CLSTN2: variants seen among roughly 807,000 people sequenced by gnomAD.
CLSTN2 encodes the protein calsyntenin 2, also known as calsyntenin-2.
CLSTN2 carries 48 observed loss-of-function variants against 101.2 expected under a neutral mutation model. The ratio of observed to expected loss-of-function variants is 0.47; its 90% CI spans 0.38 to 0.60. The LOEUF (loss-of-function observed/expected upper bound fraction) is 0.60. CLSTN2 is among the 20% of genes least tolerant of loss of function. The pLI is 0.00. For missense variants in CLSTN2, 1,160 were observed against 1,238.2 expected (o/e 0.94, Z 0.95); for synonymous variants, 481 against 463.6 (o/e 1.04, Z -0.48).
chr3:140,569,745 C>T lies in CLSTN2; in HGVS notation c.*3492C>T, dbSNP rs971801130. On this transcript the variant is annotated 3_prime_UTR_variant, in exon 17 of 17. Transcript: ENST00000458420. Reference sequence around the variant, plus strand: ...CCAGGCTGGAGTGCAGTGGCACAATCTCAGCTCACTGCAACCTCCACCTCC... The same window carrying T: ...CCAGGCTGGAGTGCAGTGGCACAATTTCAGCTCACTGCAACCTCCACCTCC... The T allele has an allele frequency of 1.2e-4, 18 of 152,310 alleles. No homozygotes were observed. Among genetic ancestry groups the T allele is most frequent in the African/African-American group, 4.1e-4 (17 of 41,552 alleles). 9.4% of individuals were successfully genotyped at this position (152,310 alleles called of 1,614,324 possible). A position where few individuals can be genotyped will look rare whatever the true frequency, so the allele number is the denominator to read the frequency against.
At chr3:140,262,599 T>C (rs1211020639) in intron 2 of CLSTN2, among the ~76,000 whole-genome samples, 6 of 152,088 alleles carry the variant, frequency 3.9e-5, no homozygotes, top group African/African-American at 1.4e-4. Context: ...TTAGTGGTAA[T>C]TGTTTTAGTA....
At chr3:140,259,172 A>AG (rs1480562851) in intron 2 of CLSTN2, among the ~76,000 whole-genome samples, 1 of 150,704 alleles carries the variant, frequency 6.6e-6, no homozygotes, top group African/African-American at 2.4e-5. Flanking sequence ...AATTGATTGA[A>AG]AAAAAAAAGC....
At chr3:140,350,742 C>A (rs1031408206) in intron 2 of CLSTN2, among the ~76,000 whole-genome samples, 6 of 152,144 alleles carry the variant, frequency 3.9e-5, no homozygotes, top group African/African-American at 1.2e-4. Context: ...TTTAAGTAAA[C>A]AATGATTTTC....
chr3:140,223,164 C>CT (rs2086289659), intron 2 of CLSTN2, among the ~76,000 whole-genome samples: 1 of 152,184 alleles, frequency 6.6e-6, no homozygotes, highest in Non-Finnish European at 1.5e-5. Flanking sequence ...TCACTTGGGC[C>CT]AGAAGCAACA....
At chr3:140,434,068 G>A (rs2088664046) in intron 5 of CLSTN2, among the ~76,000 whole-genome samples, 1 of 152,118 alleles carries the variant, frequency 6.6e-6, no homozygotes, top group Admixed American at 6.5e-5. Flanking sequence ...TACCTATGCT[G>A]CCATCTGCCC....
intron 2 of CLSTN2, among the ~76,000 whole-genome samples, chr3:140,204,318 C>CGGCT (rs1253116121): frequency 6.6e-6 from 1 of 152,172 alleles, no homozygotes; most frequent in Non-Finnish European, 1.5e-5. Context: ...CCAGACCTCA[C>CGGCT]GGCTTATCAT....
chr3:140,186,471 C>T (rs2010487146), intron 2 of CLSTN2, among the ~76,000 whole-genome samples: 1 of 152,172 alleles, frequency 6.6e-6, no homozygotes, highest in Admixed American at 6.5e-5. Context: ...AACAAGAGTG[C>T]AACCAGATAT....
chr3:140,087,523 A>C (rs2008700760), intron 1 of CLSTN2, among the ~76,000 whole-genome samples: 1 of 152,130 alleles, frequency 6.6e-6, no homozygotes, highest in African/African-American at 2.4e-5. Context: ...TCTGCTATTC[A>C]TCTGTCCACT....
At chr3:139,967,413 T>C (rs1217470402) in intron 1 of CLSTN2, among the ~76,000 whole-genome samples, 1 of 152,206 alleles carries the variant, frequency 6.6e-6, no homozygotes, top group Non-Finnish European at 1.5e-5. Flanking sequence ...AGCTGCCAAC[T>C]AGTGGGCACT....
At chr3:140,448,421 C>A (rs1160654146) in intron 5 of CLSTN2, 98 bp from the exon 6 acceptor site, 2 of 1,014,384 alleles carry the variant, frequency 2.0e-6, no homozygotes, top group East Asian at 2.4e-5. Flanking sequence ...TGTGTTGGGG[C>A]AAATAATTCG....
chr3:139,997,392 A>C (rs1307736757), intron 1 of CLSTN2, among the ~76,000 whole-genome samples: 1 of 152,354 alleles, frequency 6.6e-6, no homozygotes, highest in Middle Eastern at 3.4e-3. Context: ...AAAATATGAG[A>C]TAAAGATGCA....
intron 2 of CLSTN2, among the ~76,000 whole-genome samples, chr3:140,382,041 C>T (rs999686228): frequency 4.6e-5 from 7 of 152,152 alleles, no homozygotes; most frequent in Non-Finnish European, 8.8e-5. Context: ...AAGGCCTTTG[C>T]GCTTGCTGTT....
intron 2 of CLSTN2, among the ~76,000 whole-genome samples, chr3:140,219,387 CA>C (rs1316535193): frequency 6.6e-6 from 1 of 152,072 alleles, no homozygotes; most frequent in African/African-American, 2.4e-5. Context: ...AATTAAAGCC[CA>C]GGGCTTTAAA....
chr3:140,503,054 A>G (rs999908273), intron 8 of CLSTN2, among the ~76,000 whole-genome samples: 4 of 152,102 alleles, frequency 2.6e-5, no homozygotes, highest in African/African-American at 7.2e-5. Flanking sequence ...AGCCCCTTTC[A>G]TCTTTAAGGT....
chr3:140,197,613 T>A (rs2010662840), intron 2 of CLSTN2, among the ~76,000 whole-genome samples: 1 of 152,196 alleles, frequency 6.6e-6, no homozygotes, highest in South Asian at 2.1e-4. Flanking sequence ...CCCCTCTTAC[T>A]CTTCAGAAGC....
chr3:140,054,943 C>T (rs1005727374), intron 1 of CLSTN2, among the ~76,000 whole-genome samples: 5 of 152,168 alleles, frequency 3.3e-5, no homozygotes, highest in African/African-American at 4.8e-5. Flanking sequence ...GATTTCCACC[C>T]AACTTCTCAG....
chr3:140,480,500 T>C (rs190267499), intron 8 of CLSTN2, among the ~76,000 whole-genome samples: 85 of 152,358 alleles, frequency 5.6e-4, no homozygotes, highest in African/African-American at 1.9e-3. Flanking sequence ...TTTCTAGTTC[T>C]AGATCCCTGA....
intron 11 of CLSTN2, among the ~76,000 whole-genome samples, chr3:140,557,757 C>T (rs1935827650): frequency 6.6e-6 from 1 of 152,144 alleles, no homozygotes; most frequent in South Asian, 2.1e-4. Flanking sequence ...CCTAGCACTC[C>T]CAGAGCATCT....
At chr3:140,203,659 G>A (rs2010747071) in intron 2 of CLSTN2, among the ~76,000 whole-genome samples, 1 of 151,976 alleles carries the variant, frequency 6.6e-6, no homozygotes, top group South Asian at 2.1e-4. Flanking sequence ...CATTTTGAAA[G>A]GCCTCCTGGT....
Sources: gnomAD v4.1 joint callset for allele counts (sites outside exome capture counted in the v4.1 genomes callset) on GRCh38, gnomAD v4.1.1 for gene constraint, MANE v1.5 for transcripts, NCBI Gene and HGNC (gene_info 2026-07-23, HGNC 2026-07-21) for gene names.